Variants in EYA3 observed in about 807,000 individuals in gnomAD.
EYA3 encodes the protein protein phosphatase EYA3.
A neutral mutation model predicts 80.0 loss-of-function variants in EYA3; 39 were observed. That is an observed-to-expected ratio of 0.49 (90% CI 0.38 to 0.64). The LOEUF (loss-of-function observed/expected upper bound fraction) is 0.64, where lower values mean the gene tolerates loss of function less well. EYA3 is among the 30% of genes least tolerant of loss of function. The pLI is 0.00. For missense variants in EYA3, 523 were observed against 676.1 expected (o/e 0.77, Z 2.51); for synonymous variants, 206 against 232.8 (o/e 0.88, Z 1.05).
At chr1:27,975,042 G>T (rs753960144) in intron 17 of EYA3, among the ~76,000 whole-genome samples, 5 of 152,140 alleles carry the variant, frequency 3.3e-5, no homozygotes, top group African/African-American at 9.7e-5. Flanking sequence ...TCAATTTCTT[G>T]TAAGTTTCAG....
chr1:28,002,875 C>A (rs1640973960), intron 11 of EYA3, among the ~76,000 whole-genome samples: 1 of 151,786 alleles, frequency 6.6e-6, no homozygotes, highest in Non-Finnish European at 1.5e-5. Context: ...AATCCCAGCA[C>A]TTTGGAAGAC....
At position 27,993,562 on chromosome 1, in the gene EYA3, T is replaced by C; in HGVS notation, c.1143-2A>G. On this transcript the variant is annotated splice_acceptor_variant, in intron 13 of 17. Coordinates refer to ENST00000373871, the MANE Select transcript of EYA3 (RefSeq NM_001990.4). LOFTEE classifies it high-confidence loss of function. ...CCATCTGTTGAGAAACTGTAGTTGC[T>C]GCAAGGAGAGAAGATAATAAAAATT... The C allele has an allele frequency of 1.3e-6, 2 of 1,576,074 alleles. No homozygotes were observed. The highest frequency in any genetic ancestry group is 1.7e-6 in the Non-Finnish European group (2 of 1,168,658).
At chr1:28,002,673 A>G (rs970228308) in intron 11 of EYA3, among the ~76,000 whole-genome samples, 1 of 152,064 alleles carries the variant, frequency 6.6e-6, no homozygotes, top group Non-Finnish European at 1.5e-5. Flanking sequence ...TTAGCCGGGT[A>G]TGGTGGCATG....
intron 16 of EYA3, among the ~76,000 whole-genome samples, chr1:27,982,290 T>C (rs1019139152): frequency 1.3e-5 from 2 of 151,436 alleles, no homozygotes; most frequent in Non-Finnish European, 2.9e-5. Context: ...GAGCCACGGC[T>C]CCTGGCCACA....
chr1:27,977,322 A>T (rs1416546557), intron 17 of EYA3: 21 of 1,550,590 alleles, frequency 1.4e-5, no homozygotes, highest in Non-Finnish European at 1.8e-5. Flanking sequence ...ACTTAACTGG[A>T]TGAAGAGTAT....
intron 3 of EYA3, among the ~76,000 whole-genome samples, chr1:28,043,934 C>T (rs1643909258): frequency 6.6e-6 from 1 of 152,204 alleles, no homozygotes; most frequent in South Asian, 2.1e-4. Flanking sequence ...CTATATTTCT[C>T]TTATCTCCCA....
At chr1:28,038,751 C>T in intron 5 of EYA3, 88 bp downstream of exon 5, 1 of 679,304 alleles carries the variant, frequency 1.5e-6, no homozygotes, top group Non-Finnish European at 2.4e-6. Flanking sequence ...ATTTAAATAT[C>T]TATTATTTTA....
intron 17 of EYA3, among the ~76,000 whole-genome samples, chr1:27,974,896 T>C (rs1268954420): frequency 1.3e-5 from 2 of 152,006 alleles, no homozygotes; most frequent in Non-Finnish European, 1.5e-5. Flanking sequence ...TGGTCTCAGG[T>C]AATCCTCTTA....
In EYA3 at chr1:27,974,298, A is replaced by AGAGGAAGG. The variant is rs1638833013; in HGVS notation, c.*160_*167dup. On this transcript the variant is annotated 3_prime_UTR_variant, in exon 18 of 18. Transcript: ENST00000373871. ...GAGAGAGAGGCAGAGAGGGAGGGAG[A>AGAGGAAGG]GAGGAAGGGAGGGAGGGAGAGAGGG... is the stretch of plus-strand genomic sequence containing the variant. 2.1e-6 allele frequency: 1 copy of AGAGGAAGG among 465,390 alleles called. No individual in the cohort carries two copies. Among genetic ancestry groups the AGAGGAAGG allele is most frequent in the Non-Finnish European group, 4.0e-6 (1 of 253,090 alleles). 28.8% of individuals were successfully genotyped at this position (465,390 alleles called of 1,614,324 possible).
In EYA3 at chr1:28,013,164, G is replaced by A. The variant is rs371084495; in HGVS notation, c.716C>T (p.Ser239Leu). 104 of 1,613,930 alleles carry A rather than the reference G, an allele frequency of 6.4e-5. No homozygotes were observed. Among genetic ancestry groups the A allele is most frequent in the East Asian group, 1.8e-4 (8 of 44,906 alleles). ...STTLAATTYQ[S>L]EKPSVMAPAP... Reference sequence around the variant, plus strand: ...AGGCGCCATGACACTAGGCTTCTCCGACTGGTATGTGGTTGCTGCTAATGT... The same window carrying A: ...AGGCGCCATGACACTAGGCTTCTCCAACTGGTATGTGGTTGCTGCTAATGT... The change falls in exon 9 of 18, where the codon TCG becomes TTG. Residue 239 changes from serine (S) to leucine (L), a missense_variant. This residue lies in a region of EYA3 where 304 missense variants were observed against 343.3 expected (regional missense o/e 0.89). Coordinates refer to ENST00000373871, the MANE Select transcript of EYA3 (RefSeq NM_001990.4). This position sits in a 1 kb window ranked among gnomAD's most constrained non-coding sequence, Gnocchi z 4.0.
chr1:27,995,801 C>T (rs1307224086), intron 13 of EYA3, among the ~76,000 whole-genome samples: 1 of 152,106 alleles, frequency 6.6e-6, no homozygotes, highest in Admixed American at 6.5e-5. Flanking sequence ...TTAAGTATTT[C>T]TTAAAAAGAA....
chr1:28,088,485 C>A (rs762177147), intron 1 of EYA3, 39 bp downstream of exon 1: 2 of 153,464 alleles, frequency 1.3e-5, no homozygotes, highest in African/African-American at 4.8e-5. Flanking sequence ...GCTGTGCTCG[C>A]CCGGCTGCGC....
At chr1:27,980,917 C>T (rs1639258015) in intron 16 of EYA3, among the ~76,000 whole-genome samples, 1 of 152,106 alleles carries the variant, frequency 6.6e-6, no homozygotes, top group Non-Finnish European at 1.5e-5. Flanking sequence ...TGGAACACGC[C>T]TGAAGTCCTG....
intron 6 of EYA3, among the ~76,000 whole-genome samples, chr1:28,034,995 A>C (rs1365951446): frequency 6.6e-6 from 1 of 152,184 alleles, no homozygotes; most frequent in Admixed American, 6.5e-5. Context: ...TGTCCAAGAC[A>C]CCTAAAACCA....
intron 1 of EYA3, among the ~76,000 whole-genome samples, chr1:28,084,760 C>T (rs1466030433): frequency 2.0e-5 from 3 of 150,806 alleles, no homozygotes; most frequent in Non-Finnish European, 4.4e-5. Context: ...AGGCATACGC[C>T]GCCACGCCCA....
At position 27,973,753 on chromosome 1, in the gene EYA3, T is replaced by C. The variant is rs1638813076; in HGVS notation, c.*713A>G. 6.6e-6 allele frequency: 1 copy of C among 152,204 alleles called. No homozygotes were observed. Among genetic ancestry groups the C allele is most frequent in the Non-Finnish European group, 1.5e-5 (1 of 68,040 alleles). The allele number at this position is 152,204 out of a possible 1,614,324, so 9.4% of individuals were successfully genotyped here. On this transcript the variant is annotated 3_prime_UTR_variant, in exon 18 of 18. Coordinates refer to ENST00000373871, the MANE Select transcript of EYA3 (RefSeq NM_001990.4). ...AGAGAGCAGACCACTGGAGCAGCTATAGAGGTGCTACTGCCACAGGGAGGT... is the reference window on the plus strand; with the variant it reads ...AGAGAGCAGACCACTGGAGCAGCTACAGAGGTGCTACTGCCACAGGGAGGT...
chr1:28,000,715 G>A (rs1557547810), intron 11 of EYA3, among the ~76,000 whole-genome samples: 1 of 152,094 alleles, frequency 6.6e-6, no homozygotes, highest in Non-Finnish European at 1.5e-5. Context: ...GATTGCTTAA[G>A]GCTAGGAATT....
chr1:27,995,421 G>GAAAAAAAAGA (rs1640378107), intron 13 of EYA3, among the ~76,000 whole-genome samples: 1 of 79,198 alleles, frequency 1.3e-5, no homozygotes. Flanking sequence ...ATCTTAAAAG[G>GAAAAAAAAGA]AAAAAAAAAA....
chr1:27,972,089 G>A lies in EYA3; in HGVS notation c.*2377C>T, dbSNP rs142830402. On this transcript the variant is annotated 3_prime_UTR_variant, in exon 18 of 18. Transcript: ENST00000373871. ...AAGAGCTCCCAAAAGGGTGGAGAGG[G>A]AAGTATCTGTGTGTGTGTGCTTGCG... The A allele has an allele frequency of 2.0e-5, 3 of 152,372 alleles. No individual in the cohort carries two copies. Among genetic ancestry groups the A allele is most frequent in the Admixed American group, 2.0e-4 (3 of 15,306 alleles). 9.4% of individuals were successfully genotyped at this position (152,372 alleles called of 1,614,324 possible).
Sources: allele counts gnomAD v4.1 joint callset (sites outside exome capture counted in the v4.1 genomes callset), GRCh38; gene constraint gnomAD v4.1.1; regional missense constraint gnomAD v4.1.1; non-coding constraint Gnocchi (gnomAD v3.1); transcripts MANE v1.5; gene names NCBI Gene and HGNC (gene_info 2026-07-23, HGNC 2026-07-21).